Variants in PLA2G6 observed in about 807,000 individuals in gnomAD.
PLA2G6 encodes the protein phospholipase A2 group VI.
In PLA2G6, 62 loss-of-function variants were observed where a neutral mutation model predicts 83.8. That is an observed-to-expected ratio of 0.74 (90% CI 0.60 to 0.91). The LOEUF (loss-of-function observed/expected upper bound fraction) is 0.91. PLA2G6 is among the 40% of genes least tolerant of loss of function. The probability of loss-of-function intolerance (pLI) is 0.00; values close to 1 mark genes in which losing one functional copy is unlikely to be tolerated. For missense variants in PLA2G6, 944 were observed against 1,102.0 expected, an observed-to-expected ratio of 0.86 and a Z score of 2.03; for synonymous variants, 417 against 449.8, an observed-to-expected ratio of 0.93 and a Z score of 0.92.
chr22:38,162,245 G>A lies in PLA2G6; in HGVS notation c.209+6973C>T, dbSNP rs1191842218. On this transcript the variant is annotated intron_variant, in intron 2 of 16. Coordinates refer to ENST00000332509, the MANE Select transcript of PLA2G6 (RefSeq NM_003560.4). ...AAAGAAAAAAAAAAAAAAAGAAAGT[G>A]AGAGCAGTCAGCAAAAAGGTATGTT... Among the ~76,000 whole-genome samples, 4 of 151,094 alleles carry A rather than the reference G, an allele frequency of 2.6e-5. No individual in the cohort carries two copies. The South Asian group carries it at 6.3e-4, about 24-fold the overall frequency.
rs765904722 is a variant in PLA2G6 at position 38,132,817 on chromosome 22, G to A, written c.1077+14C>T. 1.6e-5 allele frequency: 24 copies of A among 1,539,720 alleles called. No homozygotes were observed. Among genetic ancestry groups the A allele is most frequent in the African/African-American group, 4.1e-5 (3 of 73,090 alleles). On this transcript the variant is annotated intron_variant, in intron 7 of 16. Coordinates refer to ENST00000332509, the MANE Select transcript of PLA2G6 (RefSeq NM_003560.4). The surrounding 1 kb of genome is among the most constrained non-coding windows in gnomAD (Gnocchi z 5.0). ...CGGGGCCCCACAGGGCAGGACACGCGGTCCTGGGCTCACCGACATGGCCAG... is the reference window on the plus strand; with the variant it reads ...CGGGGCCCCACAGGGCAGGACACGCAGTCCTGGGCTCACCGACATGGCCAG...
chr22:38,116,977 G>A (rs1225819203), intron 12 of PLA2G6, among the ~76,000 whole-genome samples: 1 of 150,974 alleles, frequency 6.6e-6, no homozygotes, highest in Admixed American at 6.6e-5. Context: ...ACTCAAAAAG[G>A]TATTTAGAAA....
chr22:38,114,880 G>A (rs2087095703), intron 14 of PLA2G6, among the ~76,000 whole-genome samples: 2 of 152,188 alleles, frequency 1.3e-5, no homozygotes, highest in Non-Finnish European at 2.9e-5. Context: ...CAGGCAGAAC[G>A]GGGACCCCCA....
At chr22:38,121,068 C>T (rs901558955) in intron 11 of PLA2G6, 159 bp from the exon 12 acceptor site, 1 of 694,040 alleles carries the variant, frequency 1.4e-6, no homozygotes, top group Non-Finnish European at 2.4e-6. Context: ...TTGCAACCTC[C>T]CAGACAGACA....
At position 38,123,309 on chromosome 22, in the gene PLA2G6, A is replaced by G. The variant is rs2087634432; in HGVS notation, c.1428-51T>C. On this transcript the variant is annotated intron_variant, in intron 10 of 16. Coordinates refer to ENST00000332509, the MANE Select transcript of PLA2G6 (RefSeq NM_003560.4). This position sits in a 1 kb window ranked among gnomAD's most constrained non-coding sequence, Gnocchi z 4.1. The stretch of plus-strand genomic sequence containing the variant: ...GAGGAGGGTCCTGCCACAGCCCAGT[A>G]CTTTACATCCACCCTCATAGCCCTT... 2 of 1,528,826 alleles carry G rather than the reference A, an allele frequency of 1.3e-6. No homozygotes were observed. Among genetic ancestry groups the G allele is most frequent in the African/African-American group, 2.8e-5 (2 of 72,726 alleles). The allele number at this position is 1,528,826 out of a possible 1,614,324, so 94.7% of individuals were successfully genotyped here.
intron 2 of PLA2G6, chr22:38,147,017 G>T (rs2089299458): frequency 6.6e-6 from 1 of 152,154 alleles, no homozygotes; most frequent in African/African-American, 2.4e-5. Context: ...CTGGCCTCAG[G>T]TGACCTGCCT....
chr22:38,145,247 T>C, intron 3 of PLA2G6, 191 bp downstream of exon 3: 1 of 650,472 alleles, frequency 1.5e-6, no homozygotes, highest in South Asian at 1.7e-5. Flanking sequence ...CAGGCTGGTC[T>C]TGAACTCCTA....
chr22:38,128,197 T>G lies in PLA2G6; in HGVS notation c.1348+72A>C. The G allele has an allele frequency of 1.3e-6, 2 of 1,491,772 alleles. No homozygotes were observed. The highest frequency in any genetic ancestry group is 1.9e-6 in the Non-Finnish European group (2 of 1,071,606). The allele number at this position is 1,491,772 out of a possible 1,614,324, so 92.4% of individuals were successfully genotyped here. A position where few individuals can be genotyped will look rare whatever the true frequency, so the allele number is the denominator to read the frequency against. On this transcript the variant is annotated intron_variant, in intron 9 of 16. Coordinates refer to ENST00000332509, the MANE Select transcript of PLA2G6 (RefSeq NM_003560.4). The surrounding 1 kb of genome is among the most constrained non-coding windows in gnomAD (Gnocchi z 4.4). ...CTTCCGTCCTAGGGATCCTGTTGCT[T>G]TGGTGGGGCCTGCTGTGATCCAGGG...
chr22:38,124,558 C>G (rs1410940640), intron 10 of PLA2G6, among the ~76,000 whole-genome samples: 1 of 152,176 alleles, frequency 6.6e-6, no homozygotes, highest in East Asian at 1.9e-4. Flanking sequence ...CTGAGAGAAG[C>G]CTGCCCTGAT....
chr22:38,172,884 C>T (rs1162589264), intron 1 of PLA2G6, among the ~76,000 whole-genome samples: 1 of 152,228 alleles, frequency 6.6e-6, no homozygotes, highest in South Asian at 2.1e-4. Context: ...CACACACCCA[C>T]GACAGCATGG....
At chr22:38,164,185 A>C (rs578070294) in intron 2 of PLA2G6, among the ~76,000 whole-genome samples, 1 of 152,308 alleles carries the variant, frequency 6.6e-6, no homozygotes, top group South Asian at 2.1e-4. Context: ...GGGGGCTCAC[A>C]CGGGGAGAGC....
intron 4 of PLA2G6, chr22:38,141,424 A>G (rs1486599822): frequency 6.6e-6 from 1 of 152,230 alleles, no homozygotes; most frequent in East Asian, 1.9e-4. Context: ...CATGAGGTTC[A>G]TTACAACCAC....
At chr22:38,124,903 GAC>G (rs2087743988) in intron 10 of PLA2G6, among the ~76,000 whole-genome samples, 1 of 152,192 alleles carries the variant, frequency 6.6e-6, no homozygotes, top group African/African-American at 2.4e-5. Flanking sequence ...CGGGGCTGGC[GAC>G]AGAGATCAAC....
chr22:38,115,973 G>T, intron 13 of PLA2G6, 102 bp downstream of exon 13: 1 of 1,502,600 alleles, frequency 6.7e-7, no homozygotes, highest in South Asian at 1.1e-5. Context: ...TGGGCTGGTG[G>T]CACGGTGAGG....
intron 1 of PLA2G6, among the ~76,000 whole-genome samples, chr22:38,178,149 G>A (rs141986329): frequency 5.4e-4 from 83 of 152,294 alleles, no homozygotes; most frequent in Non-Finnish European, 1.0e-3. Context: ...ATGAGACAGG[G>A]GTGACTTTAA....
Position 38,111,513 on chromosome 22 carries a change from A to C in PLA2G6, c.*648T>G, listed in dbSNP as rs1218114227. ...ACACAGGTGAACTTGAATCCAAATGATTTATTTCAGTTTTGGCTCTTAAGC... is the reference window on the plus strand; with the variant it reads ...ACACAGGTGAACTTGAATCCAAATGCTTTATTTCAGTTTTGGCTCTTAAGC... On this transcript the variant is annotated 3_prime_UTR_variant, in exon 17 of 17. Transcript: ENST00000332509. 1 of 161,944 alleles carries C rather than the reference A, an allele frequency of 6.2e-6. No homozygotes were observed. The highest frequency in any genetic ancestry group is 1.4e-5 in the Non-Finnish European group (1 of 73,594). The allele number at this position is 161,944 out of a possible 1,614,324, so 10.0% of individuals were successfully genotyped here. A position where few individuals can be genotyped will look rare whatever the true frequency, so the allele number is the denominator to read the frequency against.
chr22:38,172,760 G>T lies in PLA2G6; in HGVS notation c.-45-3289C>A, dbSNP rs535394348. ...ATCCAGCACCCATGAGCCTCAGATT[G>T]AGGGAGAAAGTCACCAGGGGTGCAG... On this transcript the variant is annotated intron_variant, in intron 1 of 16. Coordinates refer to ENST00000332509, the MANE Select transcript of PLA2G6 (RefSeq NM_003560.4). Among the ~76,000 whole-genome samples the T allele has an allele frequency of 3.3e-5, 5 of 152,354 alleles. No homozygotes were observed. The East Asian group carries it at 9.6e-4, about 29-fold the overall frequency.
In PLA2G6 at chr22:38,134,907, C is replaced by A. The variant is rs565135800; in HGVS notation, c.894+81G>T. 9 of 994,396 alleles carry A rather than the reference C, an allele frequency of 9.1e-6. No individual in the cohort carries two copies. The African/African-American group carries it at 1.1e-4, about 12-fold the overall frequency. The allele number at this position is 994,396 out of a possible 1,614,324, so 61.6% of individuals were successfully genotyped here. On this transcript the variant is annotated intron_variant, in intron 6 of 16. Transcript: ENST00000332509. ...CCAAGTGCTAGCCTCAGGGTCCTCT[C>A]GGGAACCTGCTTCCTGAGGGCCCTG...
Position 38,143,834 on chromosome 22 carries a change from C to T in PLA2G6, c.426-546G>A. On this transcript the variant is annotated intron_variant, in intron 3 of 16. Transcript: ENST00000332509. The stretch of plus-strand genomic sequence containing the variant: ...TCTCGGCTCACTGCAACCTCCGCCT[C>T]TGGGTTCAAGCAATTCTCCTGCCTC... 1.4e-5 allele frequency: 3 copies of T among 219,690 alleles called. No individual in the cohort carries two copies. In the South Asian group the frequency reaches 2.1e-4, roughly 16 times the overall value. 13.6% of individuals were successfully genotyped at this position (219,690 alleles called of 1,614,324 possible). A position where few individuals can be genotyped will look rare whatever the true frequency, so the allele number is the denominator to read the frequency against.
Sources: allele counts gnomAD v4.1 joint callset (sites outside exome capture counted in the v4.1 genomes callset), GRCh38; gene constraint gnomAD v4.1.1; non-coding constraint Gnocchi (gnomAD v3.1); transcripts MANE v1.5; gene names NCBI Gene and HGNC (gene_info 2026-07-23, HGNC 2026-07-21).